The following SMAD9 variants were observed in gnomAD, a reference collection of about 807,000 sequenced individuals.
The protein encoded by SMAD9 is SMAD family member 9, also known as MAD homolog 9.
A neutral mutation model predicts 46.1 loss-of-function variants in SMAD9; 36 were observed. The ratio of observed to expected loss-of-function variants is 0.78; its 90% CI spans 0.60 to 1.03. SMAD9 has a LOEUF of 1.03. Ranked by LOEUF, SMAD9 falls within the 50% of genes least tolerant of loss-of-function variation. The probability of loss-of-function intolerance (pLI) is 0.00; values close to 1 mark genes in which losing one functional copy is unlikely to be tolerated. For missense variants in SMAD9, 572 were observed against 599.8 expected (o/e 0.95, Z 0.48); for synonymous variants, 245 against 237.1 (o/e 1.03, Z -0.31).
chr13:36,851,431 C>G (rs2058073886), intron 6 of SMAD9, among the ~76,000 whole-genome samples: 1 of 152,196 alleles, frequency 6.6e-6, no homozygotes, highest in Non-Finnish European at 1.5e-5. Context: ...GACTCCACTG[C>G]CCCCGTGCTC....
In SMAD9 at chr13:36,919,073, G is replaced by A. The variant is rs138035420; in HGVS notation, c.-187+1043C>T. Among the ~76,000 whole-genome samples the A allele has an allele frequency of 2.0e-5, 3 of 152,274 alleles. No homozygotes were observed. The East Asian group carries it at 5.8e-4, about 29-fold the overall frequency. The stretch of plus-strand genomic sequence containing the variant: ...TGTGTTTCTCACTGTAAACTACTGG[G>A]TAAAGAATTTACATACAATTTTATC... On this transcript the variant is annotated intron_variant, in intron 1 of 6. Coordinates refer to ENST00000379826, the MANE Select transcript of SMAD9 (RefSeq NM_001127217.3).
At chr13:36,855,251 CAAAAAAA>C (rs1198605048) in intron 5 of SMAD9, among the ~76,000 whole-genome samples, 6 of 45,966 alleles carry the variant, frequency 1.3e-4, no homozygotes, top group Middle Eastern at 9.3e-3. Context: ...GAGTCCATCT[CAAAAAAA>C]AAAAAAAAAA....
In SMAD9 at chr13:36,844,929, T is replaced by G. The variant is rs912306323; in HGVS notation, c.*3747A>C. 2 of 152,180 alleles carry G rather than the reference T, an allele frequency of 1.3e-5. No homozygotes were observed. The highest frequency in any genetic ancestry group is 2.9e-5 in the Non-Finnish European group (2 of 68,020). The allele number at this position is 152,180 out of a possible 1,614,324, so 9.4% of individuals were successfully genotyped here. A position where few individuals can be genotyped will look rare whatever the true frequency, so the allele number is the denominator to read the frequency against. On this transcript the variant is annotated 3_prime_UTR_variant, in exon 7 of 7. Coordinates refer to ENST00000379826, the MANE Select transcript of SMAD9 (RefSeq NM_001127217.3). ...AAGTTATTATAATAGAAAGCATGAC[T>G]TCACTCAAATAGACAGTTTCTTTGT...
chr13:36,912,380 C>A (rs1593630892), intron 1 of SMAD9, among the ~76,000 whole-genome samples: 2 of 152,122 alleles, frequency 1.3e-5, no homozygotes, highest in African/African-American at 4.8e-5. Flanking sequence ...TGGACACTAC[C>A]CTAGCAGCTG....
rs563065523 is a variant in SMAD9 at position 36,855,229 on chromosome 13, G to A, written c.1004-1554C>T. On this transcript the variant is annotated intron_variant, in intron 5 of 6. Coordinates refer to ENST00000379826, the MANE Select transcript of SMAD9 (RefSeq NM_001127217.3). Reference sequence around the variant, plus strand: ...ACGCCACTACTGCACTCCAGACTGGGCGACTGAGTGAGAGTCCATCTCAAA... The same window carrying A: ...ACGCCACTACTGCACTCCAGACTGGACGACTGAGTGAGAGTCCATCTCAAA... 6.2e-5 allele frequency among the ~76,000 whole-genome samples: 9 copies of A among 145,122 alleles called. No individual in the cohort carries two copies. The South Asian group carries it at 1.3e-3, about 21-fold the overall frequency.
chr13:36,911,253 G>GC (rs1333865821), intron 1 of SMAD9, among the ~76,000 whole-genome samples: 1 of 151,956 alleles, frequency 6.6e-6, no homozygotes. Context: ...CAAGCAATCT[G>GC]CCCCCCTTGG....
At chr13:36,914,008 C>T (rs1189496963) in intron 1 of SMAD9, among the ~76,000 whole-genome samples, 1 of 152,184 alleles carries the variant, frequency 6.6e-6, no homozygotes, top group Non-Finnish European at 1.5e-5. Flanking sequence ...CTGGAATTCA[C>T]CTTCCCCTAG....
intron 2 of SMAD9, among the ~76,000 whole-genome samples, chr13:36,876,599 T>C (rs1464865026): frequency 2.0e-5 from 3 of 152,224 alleles, no homozygotes; most frequent in Non-Finnish European, 2.9e-5. Context: ...GTCTGTACTA[T>C]AAAAGTGTTC....
intron 1 of SMAD9, among the ~76,000 whole-genome samples, chr13:36,915,212 TCAC>T (rs1227158054): frequency 2.0e-5 from 3 of 152,174 alleles, no homozygotes; most frequent in Non-Finnish European, 4.4e-5. Context: ...ATCCCCAATG[TCAC>T]CAACACGTTT....
At chr13:36,884,173 TATC>T (rs574178484) in intron 1 of SMAD9, among the ~76,000 whole-genome samples, 7 of 152,320 alleles carry the variant, frequency 4.6e-5, no homozygotes, top group Admixed American at 3.9e-4. Context: ...TAATAACAAA[TATC>T]ATCTACCAAC....
At chr13:36,878,661 T>G (rs1199775975) in intron 2 of SMAD9, among the ~76,000 whole-genome samples, 1 of 152,168 alleles carries the variant, frequency 6.6e-6, no homozygotes, top group Non-Finnish European at 1.5e-5. Context: ...ATCTTCTACT[T>G]ACCTGAACTT....
chr13:36,885,158 T>C (rs1037127530), intron 1 of SMAD9, among the ~76,000 whole-genome samples: 2 of 152,208 alleles, frequency 1.3e-5, no homozygotes, highest in African/African-American at 4.8e-5. Flanking sequence ...AAGAAACATA[T>C]TGTTATCTAG....
chr13:36,885,382 AAC>A (rs58162253), intron 1 of SMAD9, among the ~76,000 whole-genome samples: 36 of 150,280 alleles, frequency 2.4e-4, no homozygotes, highest in African/African-American at 4.4e-4. Context: ...CTGGGCTTAA[AAC>A]ACACACACAC....
chr13:36,882,981 T>C (rs2058416611), intron 1 of SMAD9, among the ~76,000 whole-genome samples: 1 of 152,260 alleles, frequency 6.6e-6, no homozygotes, highest in South Asian at 2.1e-4. Flanking sequence ...TGTTTCTATT[T>C]GTCCAGGCAG....
At chr13:36,915,196 C>T (rs2138715763) in intron 1 of SMAD9, among the ~76,000 whole-genome samples, 1 of 152,290 alleles carries the variant, frequency 6.6e-6, no homozygotes, top group South Asian at 2.1e-4. Flanking sequence ...GAATCCTCAA[C>T]TCAGAATCCC....
At chr13:36,915,178 A>G (rs1158417504) in intron 1 of SMAD9, among the ~76,000 whole-genome samples, 1 of 152,162 alleles carries the variant, frequency 6.6e-6, no homozygotes, top group Admixed American at 6.5e-5. Context: ...GCAAACTCTA[A>G]GTCGTCAGAA....
intron 4 of SMAD9, among the ~76,000 whole-genome samples, chr13:36,865,997 A>G (rs1450338621): frequency 1.3e-5 from 2 of 152,142 alleles, no homozygotes; most frequent in African/African-American, 4.8e-5. Context: ...CCATGGCTAG[A>G]GCATTTATAA....
chr13:36,872,635 C>T lies in SMAD9; in HGVS notation c.670+23G>A, dbSNP rs560316605. On this transcript the variant is annotated intron_variant, in intron 3 of 6. Transcript: ENST00000379826. The stretch of plus-strand genomic sequence containing the variant: ...TTGGGCTTATTTTCCCGTATTTCCC[C>T]ACAGACCATAGTTCTTACTGACCTG... The T allele has an allele frequency of 9.9e-6, 16 of 1,613,620 alleles. No individual in the cohort carries two copies. The South Asian group carries it at 1.6e-4, about 17-fold the overall frequency.
At chr13:36,913,821 C>T (rs956626715) in intron 1 of SMAD9, among the ~76,000 whole-genome samples, 3 of 152,068 alleles carry the variant, frequency 2.0e-5, no homozygotes, top group African/African-American at 7.2e-5. Context: ...CAAAGAAAAC[C>T]ACATGAGACC....
Sources: allele counts gnomAD v4.1 joint callset (sites outside exome capture counted in the v4.1 genomes callset), GRCh38; gene constraint gnomAD v4.1.1; transcripts MANE v1.5; gene names NCBI Gene and HGNC (gene_info 2026-07-23, HGNC 2026-07-21).